SLC22A15: variants seen among roughly 807,000 people sequenced by gnomAD.
SLC22A15 encodes solute carrier family 22 member 15, also known as flipt 1.
In SLC22A15, 45 loss-of-function variants were observed where a neutral mutation model predicts 62.7. That is an observed-to-expected ratio of 0.72 (90% confidence interval 0.56 to 0.92). The LOEUF (loss-of-function observed/expected upper bound fraction) is 0.92, where lower values mean the gene tolerates loss of function less well. Among genes scored for constraint, SLC22A15 ranks in the 40% least tolerant of loss-of-function variants. The pLI is 0.00. For missense variants in SLC22A15, 622 were observed against 665.6 expected (o/e 0.93, Z 0.72); for synonymous variants, 264 against 267.0 (o/e 0.99, Z 0.11).
chr1:115,990,451 T>C (rs1655091188), intron 1 of SLC22A15, among the ~76,000 whole-genome samples: 1 of 152,214 alleles, frequency 6.6e-6, no homozygotes, highest in Non-Finnish European at 1.5e-5. Flanking sequence ...TGGGTGTAAG[T>C]GGCTTTGTAA....
At chr1:115,992,294 T>G (rs913087253) in intron 2 of SLC22A15, 51 bp downstream of exon 2, 21 of 1,379,772 alleles carry the variant, frequency 1.5e-5, no homozygotes, top group Non-Finnish European at 2.1e-5. Flanking sequence ...TTTGTCCACA[T>G]AGAGCTACTC....
At chr1:116,040,673 A>G (rs1557902104) in intron 8 of SLC22A15, among the ~76,000 whole-genome samples, 1 of 152,138 alleles carries the variant, frequency 6.6e-6, no homozygotes, top group Non-Finnish European at 1.5e-5. Context: ...CTGGACTGCA[A>G]TGGTGTGGTC....
chr1:116,019,738 A>G, intron 3 of SLC22A15, 24 bp downstream of exon 3: 2 of 1,595,178 alleles, frequency 1.3e-6, no homozygotes, highest in Non-Finnish European at 1.7e-6. Context: ...GTATTCATAA[A>G]CTGGATGAGA....
intron 9 of SLC22A15, among the ~76,000 whole-genome samples, chr1:116,063,955 A>G (rs1413813661): frequency 6.6e-6 from 1 of 152,130 alleles, no homozygotes; most frequent in African/African-American, 2.4e-5. Context: ...TTAATTGTTA[A>G]TTAGTTAGTT....
chr1:115,979,067 G>GA (rs1226204361), intron 1 of SLC22A15, among the ~76,000 whole-genome samples: 1 of 152,022 alleles, frequency 6.6e-6, no homozygotes, highest in Non-Finnish European at 1.5e-5. Flanking sequence ...GGACAGAGGT[G>GA]GAAATTTTAC....
chr1:116,064,561 C>T, intron 10 of SLC22A15, 53 bp downstream of exon 10: 1 of 1,229,070 alleles, frequency 8.1e-7, no homozygotes, highest in Admixed American at 1.7e-5. Context: ...TTTGGAAATG[C>T]TTATGCTTTT....
At chr1:116,026,308 A>G (rs1039732785) in intron 4 of SLC22A15, among the ~76,000 whole-genome samples, 1 of 151,868 alleles carries the variant, frequency 6.6e-6, no homozygotes, top group Non-Finnish European at 1.5e-5. Context: ...AATCCCAGCT[A>G]CTTGGGAGGC....
At chr1:115,977,574 G>C (rs1296924240) in intron 1 of SLC22A15, among the ~76,000 whole-genome samples, 1 of 152,224 alleles carries the variant, frequency 6.6e-6, no homozygotes, top group African/African-American at 2.4e-5. Flanking sequence ...TTTGCTGTGA[G>C]CCAGCCATTT....
In SLC22A15 at chr1:116,026,933, A is replaced by T; in HGVS notation, c.639A>T (p.Gln213His). 1.9e-6 allele frequency: 3 copies of T among 1,613,878 alleles called. No individual in the cohort carries two copies. The highest frequency in any genetic ancestry group is 2.5e-6 in the Non-Finnish European group (3 of 1,179,842). Reference sequence around the variant, plus strand: ...TGTTCTTTGCAGTTGGCATTGCCCAATATGCCCTGTTAGGATACTTCATCC... The same window carrying T: ...TGTTCTTTGCAGTTGGCATTGCCCATTATGCCCTGTTAGGATACTTCATCC... The part of the protein sequence containing the change: ...GGLFFAVGIA[Q>H]YALLGYFIRS... The change falls in exon 5 of 12, where the codon CAA becomes CAT. Residue 213 changes from glutamine (Q) to histidine (H), a missense_variant. Physicochemically the swap from Gln to His is conservative, Grantham distance 24. Coordinates refer to ENST00000369503, the MANE Select transcript of SLC22A15 (RefSeq NM_018420.3).
intron 2 of SLC22A15, among the ~76,000 whole-genome samples, chr1:115,999,944 G>A (rs1251276631): frequency 6.6e-6 from 1 of 151,472 alleles, no homozygotes; most frequent in Admixed American, 6.6e-5. Flanking sequence ...TTTGGTTTCC[G>A]TTGGCATGGA....
intron 8 of SLC22A15, among the ~76,000 whole-genome samples, chr1:116,056,510 C>A (rs1570772705): frequency 2.0e-5 from 3 of 151,204 alleles, no homozygotes; most frequent in South Asian, 4.2e-4. Flanking sequence ...AATGCCATCC[C>A]CATCAAGCTA....
At chr1:116,059,372 T>C (rs570753104) in intron 8 of SLC22A15, among the ~76,000 whole-genome samples, 90 of 152,320 alleles carry the variant, frequency 5.9e-4, no homozygotes, top group African/African-American at 2.1e-3. Context: ...CAAATGTTCA[T>C]AGTGGATTTA....
intron 9 of SLC22A15, among the ~76,000 whole-genome samples, chr1:116,064,029 G>A (rs1288768556): frequency 1.3e-5 from 2 of 152,050 alleles, no homozygotes; most frequent in Non-Finnish European, 2.9e-5. Flanking sequence ...GGAGATCTAA[G>A]GCATGAAAAT....
chr1:115,999,799 T>C (rs1032410646), intron 2 of SLC22A15, among the ~76,000 whole-genome samples: 1 of 152,176 alleles, frequency 6.6e-6, no homozygotes, highest in Non-Finnish European at 1.5e-5. Flanking sequence ...CCATCACATC[T>C]GGCCTATATT....
intron 8 of SLC22A15, among the ~76,000 whole-genome samples, chr1:116,060,331 A>G (rs1658348256): frequency 6.6e-6 from 1 of 152,232 alleles, no homozygotes; most frequent in African/African-American, 2.4e-5. Context: ...CAGATGGGGT[A>G]TTGGACTAAT....
chr1:116,069,014 T>C lies in SLC22A15; in HGVS notation c.*1906T>C, dbSNP rs1198442014. ...ACGTCCAACATCGAAAGAAAACCAG[T>C]GTTATGACTTTGTTCCATTTGAAGA... On this transcript the variant is annotated 3_prime_UTR_variant, in exon 12 of 12. Transcript: ENST00000369503. 6.6e-6 allele frequency: 1 copy of C among 152,164 alleles called. No homozygotes were observed. The highest frequency in any genetic ancestry group is 1.5e-5 in the Non-Finnish European group (1 of 68,042). 9.4% of individuals were successfully genotyped at this position (152,164 alleles called of 1,614,324 possible). A position where few individuals can be genotyped will look rare whatever the true frequency, so the allele number is the denominator to read the frequency against.
chr1:116,030,342 T>C (rs541423968), intron 5 of SLC22A15, among the ~76,000 whole-genome samples: 284 of 152,328 alleles, frequency 1.9e-3, no homozygotes, highest in African/African-American at 6.7e-3. Flanking sequence ...TGTTTGTTCC[T>C]AATTCACTAT....
At chr1:116,037,212 A>G in intron 7 of SLC22A15, 91 bp from the exon 8 acceptor site, 1 of 1,128,786 alleles carries the variant, frequency 8.9e-7, no homozygotes, top group East Asian at 2.4e-5. Flanking sequence ...TATATAATGA[A>G]ACTGAAGATT....
chr1:116,025,121 C>T (rs147050070), intron 4 of SLC22A15, among the ~76,000 whole-genome samples: 1 of 152,160 alleles, frequency 6.6e-6, no homozygotes, highest in African/African-American at 2.4e-5. Context: ...AAAACTGAGG[C>T]TCGGGGATAT....
Sources: allele counts gnomAD v4.1 joint callset (sites outside exome capture counted in the v4.1 genomes callset), GRCh38; gene constraint gnomAD v4.1.1; transcripts MANE v1.5; gene names NCBI Gene and HGNC (gene_info 2026-07-23, HGNC 2026-07-21).